PCDHA11: variants seen among roughly 807,000 people sequenced by gnomAD.
The protein encoded by PCDHA11 is protocadherin alpha-11.
A neutral mutation model predicts 70.3 loss-of-function variants in PCDHA11; 61 were observed. The observed-to-expected ratio is 0.87, with a 90% CI of 0.71 to 1.07. The LOEUF (loss-of-function observed/expected upper bound fraction) is 1.07, where lower values mean the gene tolerates loss of function less well. Ranked by LOEUF, PCDHA11 falls within the 50% of genes least tolerant of loss-of-function variation. The pLI is 0.00. For synonymous variants in PCDHA11, 633 were observed against 555.1 expected (o/e 1.14, Z -1.97); for missense variants, 1,324 against 1,237.5 (o/e 1.07, Z -1.05).
chr5:140,924,096 T>C (rs1044149112), intron 1 of PCDHA11, among the ~76,000 whole-genome samples: 1 of 152,222 alleles, frequency 6.6e-6, no homozygotes, highest in Non-Finnish European at 1.5e-5. Context: ...AAAGAATAAA[T>C]TTTCATTCCA....
intron 3 of PCDHA11, among the ~76,000 whole-genome samples, chr5:141,005,360 A>G (rs1215157808): frequency 6.6e-6 from 1 of 152,184 alleles, no homozygotes; most frequent in Non-Finnish European, 1.5e-5. Flanking sequence ...TAGGAATGTC[A>G]TAGAATGCCT....
In PCDHA11 at chr5:140,885,617, T is replaced by C. The variant is rs182455292; in HGVS notation, c.2391+14123T>C. Among the ~76,000 whole-genome samples, 20 of 152,288 alleles carry C rather than the reference T, an allele frequency of 1.3e-4. No individual in the cohort carries two copies. The East Asian group carries it at 3.7e-3, about 28-fold the overall frequency. The stretch of plus-strand genomic sequence containing the variant: ...GATATTAATAATTTTAATTATAAAA[T>C]ATGTCACTGGATTGCCTTCCAAGTA... On this transcript the variant is annotated intron_variant, in intron 1 of 3. Coordinates refer to ENST00000398640, the MANE Select transcript of PCDHA11 (RefSeq NM_018902.5).
At chr5:140,875,391 A>G (rs1582202337) in intron 1 of PCDHA11, 2 of 1,472,582 alleles carry the variant, frequency 1.4e-6, no homozygotes, top group African/African-American at 2.8e-5. Flanking sequence ...ACTTACAGAA[A>G]AGGGTGACTG....
At chr5:140,890,363 C>T (rs1217094920) in intron 1 of PCDHA11, among the ~76,000 whole-genome samples, 1 of 152,036 alleles carries the variant, frequency 6.6e-6, no homozygotes, top group African/African-American at 2.4e-5. Flanking sequence ...CAATGGATAA[C>T]CTGAACAAGT....
At chr5:140,956,132 C>A (rs782171826) in intron 1 of PCDHA11, among the ~76,000 whole-genome samples, 1 of 152,028 alleles carries the variant, frequency 6.6e-6, no homozygotes, top group African/African-American at 2.4e-5. Context: ...ATTTGAATAC[C>A]CTTTATTTCT....
intron 1 of PCDHA11, among the ~76,000 whole-genome samples, chr5:140,922,238 T>C (rs1554200737): frequency 6.6e-6 from 1 of 152,210 alleles, no homozygotes; most frequent in East Asian, 1.9e-4. Context: ...CCATGATGTG[T>C]ATGAAGATAA....
intron 1 of PCDHA11, among the ~76,000 whole-genome samples, chr5:140,917,584 A>T (rs2153544569): frequency 6.6e-6 from 1 of 152,336 alleles, no homozygotes; most frequent in South Asian, 2.1e-4. Context: ...ATTTTTGTTC[A>T]TGCTGAAAGG....
At chr5:140,916,628 C>T (rs1311862991) in intron 1 of PCDHA11, among the ~76,000 whole-genome samples, 1 of 152,188 alleles carries the variant, frequency 6.6e-6, no homozygotes, top group Non-Finnish European at 1.5e-5. Context: ...ACTCAATGCC[C>T]TATCCTACTG....
At chr5:140,901,128 A>G (rs1429296842) in intron 1 of PCDHA11, among the ~76,000 whole-genome samples, 3 of 152,114 alleles carry the variant, frequency 2.0e-5, no homozygotes, top group South Asian at 2.1e-4. Flanking sequence ...TTAGATGGGT[A>G]GATTGTAAAT....
At chr5:140,947,622 G>C (rs1435558526) in intron 1 of PCDHA11, among the ~76,000 whole-genome samples, 1 of 151,534 alleles carries the variant, frequency 6.6e-6, no homozygotes, top group East Asian at 1.9e-4. Context: ...TAACAATATT[G>C]AGTCATCAGA....
chr5:140,919,480 T>C (rs1745975489), intron 1 of PCDHA11, among the ~76,000 whole-genome samples: 1 of 152,198 alleles, frequency 6.6e-6, no homozygotes, highest in Admixed American at 6.5e-5. Context: ...TATTTGGATT[T>C]ATGTTTGTTA....
intron 1 of PCDHA11, among the ~76,000 whole-genome samples, chr5:140,933,221 G>A (rs952837794): frequency 2.0e-5 from 3 of 151,758 alleles, no homozygotes; most frequent in Non-Finnish European, 4.4e-5. Flanking sequence ...CTGTTATATT[G>A]CATTTATGAA....
chr5:140,980,834 C>A (rs1424222678), intron 2 of PCDHA11, among the ~76,000 whole-genome samples: 1 of 151,974 alleles, frequency 6.6e-6, no homozygotes, highest in Non-Finnish European at 1.5e-5. Context: ...AGTTGTGAAC[C>A]TAAATAATAC....
At chr5:140,921,704 A>T (rs1465184855) in intron 1 of PCDHA11, among the ~76,000 whole-genome samples, 8 of 152,234 alleles carry the variant, frequency 5.3e-5, no homozygotes, top group African/African-American at 1.9e-4. Flanking sequence ...AATTTTAAAC[A>T]GTAAACACAC....
Position 140,871,268 on chromosome 5 carries a change from G to T in PCDHA11, c.2165G>T (p.Trp722Leu), listed in dbSNP as rs368729446. ...CTGCTGCTGTATACGGCGCTGTGGTGGTCGGCAACGCCCACTGAGGGCGCG... is the reference window on the plus strand; with the variant it reads ...CTGCTGCTGTATACGGCGCTGTGGTTGTCGGCAACGCCCACTGAGGGCGCG... ...LTLLLYTALW[W>L]SATPTEGACA... is the part of the protein sequence containing the mutation. Residue 722 changes from tryptophan to leucine, a missense_variant, in exon 1 of 4, where the codon TGG becomes TTG. By Grantham distance (61) the Trp-to-Leu change is moderately conservative (BLOSUM62 -2). Transcript: ENST00000398640. 53 of 1,613,850 alleles carry T rather than the reference G, an allele frequency of 3.3e-5. No homozygotes were observed. The African/African-American group carries it at 6.7e-4, about 20-fold the overall frequency.
intron 1 of PCDHA11, among the ~76,000 whole-genome samples, chr5:140,934,702 C>T (rs538683438): frequency 1.3e-5 from 2 of 152,158 alleles, no homozygotes; most frequent in South Asian, 4.2e-4. Context: ...GATTCCTGGC[C>T]ATCTTACAAA....
chr5:140,918,817 A>C (rs1554198772), intron 1 of PCDHA11, among the ~76,000 whole-genome samples: 1 of 62,248 alleles, frequency 1.6e-5, no homozygotes, highest in Non-Finnish European at 2.7e-5. Context: ...TGAACCAAAA[A>C]GTGGCCCCCT....
chr5:140,982,561 C>G lies in PCDHA11; in HGVS notation c.2537C>G (p.Pro846Arg), dbSNP rs560422677. ...QQWPTVSSAT[P>R]EPEAGEVSPP... The stretch of plus-strand genomic sequence containing the variant: ...TGGCCAACAGTATCCAGTGCAACAC[C>G]AGGTAAAGAGCTGGGGTCTCTCCAT... The change falls in exon 3 of 4, where the codon CCA (proline) becomes CGA (arginine). Residue 846 changes from proline (P) to arginine (R), a missense_variant and splice_region_variant. By Grantham distance (103) the Pro-to-Arg change is moderately radical. Coordinates refer to ENST00000398640, the MANE Select transcript of PCDHA11 (RefSeq NM_018902.5). The G allele has an allele frequency of 6.2e-7, 1 of 1,614,060 alleles. No individual in the cohort carries two copies. Among genetic ancestry groups the G allele is most frequent in the African/African-American group, 1.3e-5 (1 of 75,052 alleles).
At chr5:140,900,477 A>G (rs2068076560) in intron 1 of PCDHA11, among the ~76,000 whole-genome samples, 1 of 152,290 alleles carries the variant, frequency 6.6e-6, no homozygotes, top group Non-Finnish European at 1.5e-5. Flanking sequence ...GAGTTTCTCC[A>G]TGTTGGTCAG....
Sources: allele counts gnomAD v4.1 joint callset (sites outside exome capture counted in the v4.1 genomes callset), GRCh38; gene constraint gnomAD v4.1.1; transcripts MANE v1.5; gene names NCBI Gene and HGNC (gene_info 2026-07-23, HGNC 2026-07-21).